Variants in TCF12 observed in about 807,000 individuals in gnomAD.
TCF12 encodes DNA-binding protein HTF4.
In TCF12, 45 loss-of-function variants were observed where a neutral mutation model predicts 86.0. The observed-to-expected ratio is 0.52, with a 90% CI of 0.41 to 0.67. The LOEUF (loss-of-function observed/expected upper bound fraction) is 0.67, where lower values mean the gene tolerates loss of function less well. Ranked by LOEUF, TCF12 falls within the 30% of genes least tolerant of loss-of-function variation. TCF12 has a pLI of 0.00. For synonymous variants in TCF12, 330 were observed against 299.6 expected, an observed-to-expected ratio of 1.10 and a Z score of -1.05; for missense variants, 881 against 859.9, an observed-to-expected ratio of 1.02 and a Z score of -0.31.
Position 57,247,144 on chromosome 15 carries a change from ACCGTCACT to A in TCF12, c.1114+3597_1114+3604del. The stretch of plus-strand genomic sequence containing the variant: ...CCGCCAAAATTTCCTCCTTCACTCC[ACCGTCACT>A]CCACCACCACCACCATATCCTTGGT... On this transcript the variant is annotated intron_variant, in intron 13 of 20. Transcript: ENST00000333725. The A allele has an allele frequency of 7.2e-6, 4 of 559,330 alleles. No homozygotes were observed. In the East Asian group the frequency reaches 1.5e-4, roughly 21 times the overall value. The allele number at this position is 559,330 out of a possible 1,614,324, so 34.6% of individuals were successfully genotyped here.
At chr15:57,145,513 T>C (rs1415253081) in intron 5 of TCF12, among the ~76,000 whole-genome samples, 1 of 152,206 alleles carries the variant, frequency 6.6e-6, no homozygotes, top group Non-Finnish European at 1.5e-5. Flanking sequence ...CTAGGGATCA[T>C]TGATAATGAG....
chr15:57,152,241 G>T (rs2053815190), intron 5 of TCF12, among the ~76,000 whole-genome samples: 1 of 152,134 alleles, frequency 6.6e-6, no homozygotes, highest in African/African-American at 2.4e-5. Flanking sequence ...ACAGTATCCT[G>T]CATCCATCAA....
At chr15:56,966,310 A>T (rs887868819) in intron 3 of TCF12, among the ~76,000 whole-genome samples, 1 of 152,216 alleles carries the variant, frequency 6.6e-6, no homozygotes, top group Non-Finnish European at 1.5e-5. Flanking sequence ...AGGTTTTGCC[A>T]TTACTTTCAA....
At chr15:56,976,719 G>A (rs1416015669) in intron 3 of TCF12, among the ~76,000 whole-genome samples, 2 of 152,050 alleles carry the variant, frequency 1.3e-5, no homozygotes, top group African/African-American at 2.4e-5. Flanking sequence ...CACCCAGACA[G>A]TTGAATCTTA....
chr15:56,949,097 T>C (rs1267115011), intron 3 of TCF12, among the ~76,000 whole-genome samples: 1 of 152,218 alleles, frequency 6.6e-6, no homozygotes, highest in African/African-American at 2.4e-5. Context: ...AAAAATACAT[T>C]GAAATTTTGG....
intron 3 of TCF12, among the ~76,000 whole-genome samples, chr15:56,997,198 C>G (rs1428830655): frequency 6.6e-6 from 1 of 152,182 alleles, no homozygotes; most frequent in Non-Finnish European, 1.5e-5. Context: ...ACACTCTTCA[C>G]AAGAGCAAAG....
intron 5 of TCF12, among the ~76,000 whole-genome samples, chr15:57,136,945 A>G (rs1165940103): frequency 1.5e-5 from 2 of 129,130 alleles, no homozygotes; most frequent in Non-Finnish European, 1.6e-5. Flanking sequence ...GACAATAGCC[A>G]CTGCTTCTGG....
At chr15:56,921,178 T>G (rs1242300112) in intron 3 of TCF12, 80 bp downstream of exon 3, 2 of 1,015,778 alleles carry the variant, frequency 2.0e-6, no homozygotes, top group Admixed American at 5.3e-5. Flanking sequence ...GCATAACATT[T>G]AAATATTATT....
chr15:57,138,221 G>T (rs538646644), intron 5 of TCF12, among the ~76,000 whole-genome samples: 1 of 152,204 alleles, frequency 6.6e-6, no homozygotes, highest in South Asian at 2.1e-4. Context: ...ATTATACTTT[G>T]ATGCTCATGT....
At chr15:57,177,939 T>C (rs2056073700) in intron 6 of TCF12, among the ~76,000 whole-genome samples, 1 of 152,116 alleles carries the variant, frequency 6.6e-6, no homozygotes, top group South Asian at 2.1e-4. Flanking sequence ...TCATTGTTTC[T>C]TTCTTTCTGT....
intron 13 of TCF12, chr15:57,247,348 A>T (rs2059912261): frequency 1.5e-6 from 1 of 655,818 alleles, no homozygotes; most frequent in Non-Finnish European, 2.8e-6. Flanking sequence ...CACAGCCAAA[A>T]CTACCTCTAC....
chr15:57,013,884 G>A (rs780450238), intron 3 of TCF12, among the ~76,000 whole-genome samples: 2 of 152,196 alleles, frequency 1.3e-5, no homozygotes, highest in Non-Finnish European at 2.9e-5. Flanking sequence ...TCTTTTAAAT[G>A]TATCCAGTGA....
At chr15:57,060,442 T>C (rs770653950) in intron 3 of TCF12, among the ~76,000 whole-genome samples, 2 of 152,334 alleles carry the variant, frequency 1.3e-5, no homozygotes, top group Non-Finnish European at 2.9e-5. Flanking sequence ...AAAAATAATT[T>C]ACGTCTTTCT....
chr15:57,150,877 T>TC (rs1567520972), intron 5 of TCF12, among the ~76,000 whole-genome samples: 2,916 of 48,212 alleles, frequency 0.06, 197 homozygotes, highest in East Asian at 0.12. Context: ...CTCTGTCCCT[T>TC]CCTTCCTTCC....
At chr15:57,182,825 A>T (rs1283842714) in intron 6 of TCF12, among the ~76,000 whole-genome samples, 2 of 152,154 alleles carry the variant, frequency 1.3e-5, no homozygotes, top group African/African-American at 4.8e-5. Context: ...ATAGATAAAA[A>T]ATCTGCCAAT....
chr15:57,052,248 T>G (rs2067682187), intron 3 of TCF12, among the ~76,000 whole-genome samples: 1 of 152,210 alleles, frequency 6.6e-6, no homozygotes, highest in Non-Finnish European at 1.5e-5. Flanking sequence ...GTGATTGCCT[T>G]TGTTCTGTGC....
chr15:57,226,540 A>G (rs1428154474), intron 8 of TCF12, among the ~76,000 whole-genome samples: 5 of 152,196 alleles, frequency 3.3e-5, no homozygotes, highest in Non-Finnish European at 7.4e-5. Context: ...TATTCAAACC[A>G]TCTTGACAAA....
chr15:56,999,421 T>C (rs1183211701), intron 3 of TCF12, among the ~76,000 whole-genome samples: 1 of 152,074 alleles, frequency 6.6e-6, no homozygotes, highest in Non-Finnish European at 1.5e-5. Context: ...AAACGGGATA[T>C]CATTACAAAC....
At chr15:57,250,581 T>G (rs2060062489) in intron 13 of TCF12, among the ~76,000 whole-genome samples, 1 of 151,986 alleles carries the variant, frequency 6.6e-6, no homozygotes, top group African/African-American at 2.4e-5. Context: ...ATACAAAAAT[T>G]AGCTTGGCGT....
Sources: allele counts gnomAD v4.1 joint callset (sites outside exome capture counted in the v4.1 genomes callset), GRCh38; gene constraint gnomAD v4.1.1; transcripts MANE v1.5; gene names NCBI Gene and HGNC (gene_info 2026-07-23, HGNC 2026-07-21).